GOLGA3: variants seen among roughly 807,000 people sequenced by gnomAD.
The protein encoded by GOLGA3 is golgin subfamily A member 3.
GOLGA3 carries 75 observed loss-of-function variants against 169.4 expected under a neutral mutation model. The observed-to-expected ratio is 0.44, with a 90% confidence interval of 0.37 to 0.54. GOLGA3 has a LOEUF of 0.54. GOLGA3 is among the 20% of genes least tolerant of loss of function. The probability of loss-of-function intolerance (pLI) is 0.00; values close to 1 mark genes in which losing one functional copy is unlikely to be tolerated. For synonymous variants in GOLGA3, 824 were observed against 822.4 expected (o/e 1.00, Z -0.03); for missense variants, 1,899 against 1,930.0 (o/e 0.98, Z 0.30).
intron 3 of GOLGA3, among the ~76,000 whole-genome samples, chr12:132,815,989 G>A (rs1409350864): frequency 6.6e-6 from 1 of 152,176 alleles, no homozygotes; most frequent in Non-Finnish European, 1.5e-5. Context: ...ATGAGGTCAG[G>A]AGATCAATAC....
At chr12:132,787,281 C>T (rs934643640) in intron 13 of GOLGA3, among the ~76,000 whole-genome samples, 4 of 152,054 alleles carry the variant, frequency 2.6e-5, no homozygotes, top group African/African-American at 9.7e-5. Context: ...GACCAACAAG[C>T]GTTTCCAAAC....
chr12:132,819,192 T>C (rs1174385083), intron 2 of GOLGA3, among the ~76,000 whole-genome samples: 1 of 152,102 alleles, frequency 6.6e-6, no homozygotes, highest in East Asian at 1.9e-4. Context: ...GGATCCCACG[T>C]GCATGCAGGA....
intron 3 of GOLGA3, among the ~76,000 whole-genome samples, chr12:132,813,721 CTTTTTTTTTTTT>C (rs10717082): frequency 2.5e-5 from 2 of 78,874 alleles, no homozygotes; most frequent in East Asian, 8.0e-4. Flanking sequence ...CAGCAAGTGC[CTTTTTTTTTTTT>C]TTTTTTTTTG....
chr12:132,825,174 T>C (rs1252473576), intron 1 of GOLGA3, among the ~76,000 whole-genome samples: 2 of 152,160 alleles, frequency 1.3e-5, no homozygotes. Context: ...GTGGGGTGAT[T>C]ATATGGAACC....
intron 18 of GOLGA3, among the ~76,000 whole-genome samples, chr12:132,780,181 C>T (rs569907581): frequency 7.4e-5 from 11 of 149,506 alleles, no homozygotes; most frequent in East Asian, 2.0e-4. Context: ...CAGCCCCCCG[C>T]GTGCACACAC....
At position 132,791,254 on chromosome 12, in the gene GOLGA3, G is replaced by T; in HGVS notation, c.2509C>A (p.Gln837Lys). 1 of 1,608,082 alleles carries T rather than the reference G, an allele frequency of 6.2e-7. No homozygotes were observed. Among genetic ancestry groups the T allele is most frequent in the Non-Finnish European group, 8.5e-7 (1 of 1,175,910 alleles). The stretch of plus-strand genomic sequence containing the variant: ...AACTGTTCCTTTATTTTTTGCATTT[G>T]CTTTTTCAGAGCAGCAGTCTCCTGC... ...LQQETAALKK[Q>K]MQKIKEQFLQ... The change falls in exon 12 of 24, where the codon CAA becomes AAA. Residue 837 changes from glutamine (Q) to lysine (K), a missense_variant. Gln to Lys is a moderately conservative substitution (Grantham distance 53). Coordinates refer to ENST00000450791, the MANE Select transcript of GOLGA3 (RefSeq NM_001389683.1).
At chr12:132,795,815 G>A (rs762438897) in intron 11 of GOLGA3, 37 bp downstream of exon 11, 4 of 1,584,432 alleles carry the variant, frequency 2.5e-6, no homozygotes, top group South Asian at 1.1e-5. Flanking sequence ...TGCAAGGAGG[G>A]TTCTGATTCA....
chr12:132,802,013 C>A (rs375779385), intron 7 of GOLGA3, 44 bp from the exon 8 acceptor site: 2 of 1,513,568 alleles, frequency 1.3e-6, no homozygotes, highest in Non-Finnish European at 1.8e-6. Flanking sequence ...CGACGGCCAA[C>A]GGGGGAGTCC....
chr12:132,777,930 C>A lies in GOLGA3; in HGVS notation c.3583-125G>T. ...GTCCTGGCTGCCGGCGTGTGCTTCTCCACAGGCCTGTCAAGTTCCTTGTAA... is the reference window on the plus strand; with the variant it reads ...GTCCTGGCTGCCGGCGTGTGCTTCTACACAGGCCTGTCAAGTTCCTTGTAA... On this transcript the variant is annotated intron_variant, in intron 18 of 23. Coordinates refer to ENST00000450791, the MANE Select transcript of GOLGA3 (RefSeq NM_001389683.1). This position sits in a 1 kb window ranked among gnomAD's most constrained non-coding sequence, Gnocchi z 4.7. 1 of 1,027,062 alleles carries A rather than the reference C, an allele frequency of 9.7e-7. No homozygotes were observed. Among genetic ancestry groups the A allele is most frequent in the Non-Finnish European group, 1.4e-6 (1 of 716,042 alleles). 63.6% of individuals were successfully genotyped at this position (1,027,062 alleles called of 1,614,324 possible).
chr12:132,798,119 C>T (rs565241213), intron 9 of GOLGA3, among the ~76,000 whole-genome samples: 3 of 135,214 alleles, frequency 2.2e-5, no homozygotes, highest in East Asian at 4.5e-4. Context: ...GTCCCAAAGC[C>T]TTAACGAGCA....
At chr12:132,795,772 A>G in intron 11 of GOLGA3, 80 bp downstream of exon 11, 1 of 1,428,620 alleles carries the variant, frequency 7.0e-7, no homozygotes, top group South Asian at 1.4e-5. Flanking sequence ...AAAAAAAGAA[A>G]GAAAGAAAGA....
chr12:132,806,669 A>G (rs1164521449), intron 6 of GOLGA3, among the ~76,000 whole-genome samples: 1 of 152,202 alleles, frequency 6.6e-6, no homozygotes, highest in African/African-American at 2.4e-5. Flanking sequence ...AGATTTACTC[A>G]ACTGCCGACA....
rs1178000420 is a variant in GOLGA3 at position 132,769,858 on chromosome 12, A to G, written c.*3247T>C. On this transcript the variant is annotated 3_prime_UTR_variant, in exon 24 of 24. Transcript: ENST00000450791. Reference sequence around the variant, plus strand: ...GAACAAAATAATTCAAACTTTATGCACTGAAGTAACTCTGGAAGGTAGAAG... The same window carrying G: ...GAACAAAATAATTCAAACTTTATGCGCTGAAGTAACTCTGGAAGGTAGAAG... 6.6e-6 allele frequency: 1 copy of G among 152,232 alleles called. No individual in the cohort carries two copies. Among genetic ancestry groups the G allele is most frequent in the Non-Finnish European group, 1.5e-5 (1 of 68,048 alleles). 9.4% of individuals were successfully genotyped at this position (152,232 alleles called of 1,614,324 possible). A position where few individuals can be genotyped will look rare whatever the true frequency, so the allele number is the denominator to read the frequency against.
chr12:132,777,813 G>A lies in GOLGA3; in HGVS notation c.3583-8C>T, dbSNP rs760713920. ...CACCTTGGCAGCAGCCACCTAGGAG[G>A]AAGGAAGCCACGTTGTCCATGCCCT... On this transcript the variant is annotated splice_polypyrimidine_tract_variant and splice_region_variant and intron_variant, in intron 18 of 23. Transcript: ENST00000450791. The surrounding 1 kb of genome is among the most constrained non-coding windows in gnomAD (Gnocchi z 4.7). 26 of 1,613,116 alleles carry A rather than the reference G, an allele frequency of 1.6e-5. No homozygotes were observed. The highest frequency in any genetic ancestry group is 1.6e-4 in the Middle Eastern group (1 of 6,084).
At chr12:132,801,682 A>C (rs918216333) in intron 8 of GOLGA3, 85 bp downstream of exon 8, 2 of 1,355,624 alleles carry the variant, frequency 1.5e-6, no homozygotes, top group African/African-American at 2.9e-5. Flanking sequence ...GTGAACTCTA[A>C]AAACAGAAAA....
At chr12:132,812,212 C>CACACACAT (rs1481853600) in intron 4 of GOLGA3, among the ~76,000 whole-genome samples, 16 of 116,320 alleles carry the variant, frequency 1.4e-4, no homozygotes, top group East Asian at 9.3e-4. Context: ...CACACACACA[C>CACACACAT]ATATATATAT....
At chr12:132,805,599 G>C (rs1348962125) in intron 6 of GOLGA3, among the ~76,000 whole-genome samples, 5 of 139,146 alleles carry the variant, frequency 3.6e-5, no homozygotes. Context: ...AGACCCCCAG[G>C]CGCTCTCCCA....
intron 23 of GOLGA3, 126 bp from the exon 24 acceptor site, chr12:132,773,420 A>C: frequency 3.8e-6 from 2 of 532,190 alleles, no homozygotes; most frequent in Non-Finnish European, 6.6e-6. Flanking sequence ...CCGCAAACCA[A>C]CTGAGACCAC....
rs774067721 is a variant in GOLGA3, at chr12:132,777,182, C to T, written c.3723-92G>A. Reference sequence around the variant, plus strand: ...GGAAATGCTGCCTGTGGAAGGCGTTCGTCCTGGCAGGCCCTCTGCTGTGCA... The same window carrying T: ...GGAAATGCTGCCTGTGGAAGGCGTTTGTCCTGGCAGGCCCTCTGCTGTGCA... On this transcript the variant is annotated intron_variant, in intron 19 of 23. Transcript: ENST00000450791. The surrounding 1 kb of genome is among the most constrained non-coding windows in gnomAD (Gnocchi z 4.7). The T allele has an allele frequency of 1.1e-5, 16 of 1,399,370 alleles. No individual in the cohort carries two copies. The highest frequency in any genetic ancestry group is 1.5e-5 in the Non-Finnish European group (16 of 1,032,712). 86.7% of individuals were successfully genotyped at this position (1,399,370 alleles called of 1,614,324 possible).
Sources: gnomAD v4.1 joint callset for allele counts (sites outside exome capture counted in the v4.1 genomes callset) on GRCh38, gnomAD v4.1.1 for gene constraint, Gnocchi (gnomAD v3.1) non-coding constraint, MANE v1.5 for transcripts, NCBI Gene and HGNC (gene_info 2026-07-23, HGNC 2026-07-21) for gene names.